Variants in PROCR observed in about 807,000 individuals in gnomAD.
The protein encoded by PROCR is protein C receptor.
PROCR carries 22 observed loss-of-function variants against 24.2 expected under a neutral mutation model. The ratio of observed to expected loss-of-function variants is 0.91; its 90% confidence interval spans 0.65 to 1.30. The LOEUF is 1.30. Ranked by LOEUF, PROCR falls within the 50% of genes most tolerant of loss-of-function variation. The probability of loss-of-function intolerance (pLI) is 0.00; values close to 1 mark genes in which losing one functional copy is unlikely to be tolerated. For missense variants in PROCR, 288 were observed against 307.7 expected, an observed-to-expected ratio of 0.94 and a Z score of 0.48; for synonymous variants, 137 against 139.2, an observed-to-expected ratio of 0.98 and a Z score of 0.11.
intron 1 of PROCR, among the ~76,000 whole-genome samples, chr20:35,208,902 G>A (rs1216045682): frequency 6.6e-6 from 1 of 151,606 alleles, no homozygotes; most frequent in African/African-American, 2.4e-5. Flanking sequence ...AATCCAGGAG[G>A]CGGAGGCTGT....
At chr20:35,205,783 A>ATATATATATATATATATG (rs1555791723) in intron 1 of PROCR, among the ~76,000 whole-genome samples, 5 of 137,870 alleles carry the variant, frequency 3.6e-5, no homozygotes, top group South Asian at 4.5e-4. Flanking sequence ...ATATATATAT[A>ATATATATATATATATATG]TATATGTATA....
chr20:35,212,604 A>G (rs531747827), intron 1 of PROCR, among the ~76,000 whole-genome samples: 2 of 152,186 alleles, frequency 1.3e-5, no homozygotes, highest in East Asian at 1.9e-4. Flanking sequence ...ACCATTTTCA[A>G]CTTCTTCCCA....
intron 1 of PROCR, among the ~76,000 whole-genome samples, chr20:35,214,145 CA>C (rs1256225748): frequency 6.6e-6 from 1 of 152,086 alleles, no homozygotes; most frequent in Non-Finnish European, 1.5e-5. Flanking sequence ...ACCCTGTCCT[CA>C]AACCACTTAA....
chr20:35,175,577 CCTTTTTTTT>C (rs1169710272), intron 2 of PROCR, among the ~76,000 whole-genome samples: 2 of 51,300 alleles, frequency 3.9e-5, no homozygotes, highest in African/African-American at 2.6e-4. Context: ...ACCCCACCCC[CCTTTTTTTT>C]TTTTTTTTTT....
intron 1 of PROCR, chr20:35,201,957 A>G (rs1478221945): frequency 2.6e-5 from 4 of 152,210 alleles, no homozygotes; most frequent in African/African-American, 9.6e-5. Flanking sequence ...ATCCACAGTC[A>G]TAACTGGGAG....
At chr20:35,174,537 C>T in intron 1 of PROCR, 165 bp from the exon 2 acceptor site, 1 of 838,648 alleles carries the variant, frequency 1.2e-6, no homozygotes, top group East Asian at 2.4e-5. Context: ...GTCCTCCTGG[C>T]AGAGTTACTG....
intron 1 of PROCR, among the ~76,000 whole-genome samples, chr20:35,183,933 T>A (rs2086100464): frequency 6.6e-6 from 1 of 152,144 alleles, no homozygotes; most frequent in Non-Finnish European, 1.5e-5. Flanking sequence ...CAAGAATGGC[T>A]ATAGGAGGAT....
At chr20:35,206,796 T>C (rs1021129509) in intron 1 of PROCR, among the ~76,000 whole-genome samples, 1 of 152,162 alleles carries the variant, frequency 6.6e-6, no homozygotes, top group Non-Finnish European at 1.5e-5. Flanking sequence ...TCTTATAAAG[T>C]TAAACACACA....
chr20:35,185,184 G>C (rs546351741), intron 1 of PROCR, among the ~76,000 whole-genome samples: 1 of 151,992 alleles, frequency 6.6e-6, no homozygotes, highest in African/African-American at 2.4e-5. Flanking sequence ...ACCACAAAGC[G>C]ATACCACCGT....
chr20:35,198,717 CT>C (rs756605474), intron 1 of PROCR, among the ~76,000 whole-genome samples: 1,575 of 141,888 alleles, frequency 0.011, 15 homozygotes, highest in African/African-American at 0.03. Context: ...CCATCAAGGA[CT>C]TTTTTTTTTT....
intron 2 of PROCR, 102 bp from the exon 3 acceptor site, chr20:35,176,066 C>T (rs1176525836): frequency 1.6e-5 from 22 of 1,341,880 alleles, no homozygotes; most frequent in Non-Finnish European, 1.8e-5. Context: ...CTCCTCACAG[C>T]ACTGACTCTT....
rs1367470291 is a variant in PROCR, at chr20:35,176,394, G to A, written c.549G>A (p.Glu183=). 1 of 1,614,210 alleles carries A rather than the reference G, an allele frequency of 6.2e-7. No individual in the cohort carries two copies. The highest frequency in any genetic ancestry group is 8.5e-7 in the Non-Finnish European group (1 of 1,180,042). Residue 183 remains glutamate, a synonymous_variant, in exon 3 of 4, where the codon GAG becomes GAA. Transcript: ENST00000216968. ...GGTATGAACTGCGGGAATTCCTGGA[G>A]GACACCTGTGTGCAGTATGTGCAGA... is the stretch of plus-strand genomic sequence containing the variant. ...RTRYELREFL[E]DTCVQYVQKH...
chr20:35,172,064 C>G (rs139617753), upstream of PROCR: 8 of 1,205,810 alleles, frequency 6.6e-6, no homozygotes, highest in African/African-American at 6.0e-5. Flanking sequence ...CCCTCCCAGA[C>G]GGTCCTCACT....
intron 1 of PROCR, among the ~76,000 whole-genome samples, chr20:35,212,632 G>C (rs569163800): frequency 6.6e-6 from 1 of 152,276 alleles, no homozygotes; most frequent in African/African-American, 2.4e-5. Context: ...CCTCAGTTTA[G>C]ATGTAGCAAT....
rs1468860221 is a variant in PROCR at position 35,206,192 on chromosome 20, C to A, written c.95-9701C>A. Among the ~76,000 whole-genome samples, 3 of 151,392 alleles carry A rather than the reference C, an allele frequency of 2.0e-5. No individual in the cohort carries two copies. The East Asian group carries it at 6.0e-4, about 30-fold the overall frequency. ...TGGCCTAGAATTTATAAAGAACCCT[C>A]AGTAGGGCGCAGTGCCTCATGCCTG... On this transcript the variant is annotated intron_variant, in intron 1 of 1. Transcript: ENST00000634509.
At chr20:35,192,929 G>A (rs1263666769) in intron 1 of PROCR, among the ~76,000 whole-genome samples, 1 of 151,914 alleles carries the variant, frequency 6.6e-6, no homozygotes, top group Non-Finnish European at 1.5e-5. Flanking sequence ...TTTACATAAT[G>A]GAATATACAA....
chr20:35,197,949 C>T (rs916067042), intron 1 of PROCR, among the ~76,000 whole-genome samples: 1 of 151,852 alleles, frequency 6.6e-6, no homozygotes, highest in Non-Finnish European at 1.5e-5. Context: ...GCCTCTTACA[C>T]CAAATGGTTA....
At chr20:35,199,568 G>C (rs1034049030) in intron 1 of PROCR, among the ~76,000 whole-genome samples, 1 of 152,126 alleles carries the variant, frequency 6.6e-6, no homozygotes, top group Non-Finnish European at 1.5e-5. Flanking sequence ...GGCCAGCATA[G>C]TGAAACCCTG....
intron 1 of PROCR, among the ~76,000 whole-genome samples, chr20:35,214,828 A>G (rs1490132724): frequency 6.6e-6 from 1 of 151,398 alleles, no homozygotes; most frequent in African/African-American, 2.4e-5. Flanking sequence ...GAGTCGGGGG[A>G]TTGGACTGGG....
Sources: allele counts gnomAD v4.1 joint callset (sites outside exome capture counted in the v4.1 genomes callset), GRCh38; gene constraint gnomAD v4.1.1; transcripts MANE v1.5; gene names NCBI Gene and HGNC (gene_info 2026-07-23, HGNC 2026-07-21).